Variants in SYBU observed in about 807,000 individuals in gnomAD.
SYBU encodes the protein GOLSYN A protein.
SYBU carries 21 observed loss-of-function variants against 35.9 expected under a neutral mutation model. The observed-to-expected ratio is 0.58, with a 90% CI of 0.41 to 0.84. SYBU has a LOEUF of 0.84. Among genes scored for constraint, SYBU ranks in the 40% least tolerant of loss-of-function variants. The pLI is 0.00. For synonymous variants in SYBU, 319 were observed against 324.3 expected (o/e 0.98, Z 0.18); for missense variants, 768 against 848.2 (o/e 0.91, Z 1.17).
At chr8:109,611,497 G>C (rs766953378) in intron 3 of SYBU, among the ~76,000 whole-genome samples, 15 of 152,288 alleles carry the variant, frequency 9.8e-5, no homozygotes, top group Admixed American at 9.1e-4. Context: ...TTTGGTCCCT[G>C]CTGGGGAGAT....
At chr8:109,616,918 C>A (rs1227565792) in intron 3 of SYBU, among the ~76,000 whole-genome samples, 1 of 151,842 alleles carries the variant, frequency 6.6e-6, no homozygotes, top group African/African-American at 2.4e-5. Context: ...GCAGGCAGAT[C>A]ATTTGAGGTC....
intron 4 of SYBU, 85 bp from the exon 5 acceptor site, chr8:109,580,087 A>G (rs558600977): frequency 4.6e-6 from 6 of 1,290,594 alleles, no homozygotes; most frequent in Non-Finnish European, 6.7e-6. Flanking sequence ...ATCTAAGGAA[A>G]TCCAATTTAT....
chr8:109,612,984 AAAAAAAAAAAAAG>A (rs869065442), intron 3 of SYBU, among the ~76,000 whole-genome samples: 2 of 75,022 alleles, frequency 2.7e-5, no homozygotes, highest in East Asian at 5.5e-4. Flanking sequence ...TGTTAAAAAA[AAAAAAAAAAAAAG>A]AAGAAGAAGA....
intron 1 of SYBU, among the ~76,000 whole-genome samples, chr8:109,664,178 C>T (rs559094636): frequency 1.3e-5 from 2 of 152,148 alleles, no homozygotes; most frequent in East Asian, 1.9e-4. Flanking sequence ...AAAAGAAGTA[C>T]GTACTGATTA....
In SYBU at chr8:109,618,972, G is replaced by T; in HGVS notation, c.297C>A (p.Ser99Arg). ...CACTTCCAGGGCAAAAGCCAATGGG[G>T]CTGTTTCCAGCATCTGAGGGTGTCT... ...PVKTPSDAGN[S>R]PIGFCPGSDE... is the part of the protein sequence containing the mutation. The change falls in exon 3 of 7, where the codon AGC (serine) becomes AGA (arginine). Residue 99 changes from serine (S) to arginine (R), a missense_variant. Coordinates refer to ENST00000276646, the MANE Select transcript of SYBU (RefSeq NM_001099754.2). 6.2e-7 allele frequency: 1 copy of T among 1,614,146 alleles called. No homozygotes were observed. Among genetic ancestry groups the T allele is most frequent in the Non-Finnish European group, 8.5e-7 (1 of 1,179,970 alleles).
chr8:109,587,267 A>G (rs1324553421), intron 3 of SYBU, among the ~76,000 whole-genome samples: 1 of 152,170 alleles, frequency 6.6e-6, no homozygotes, highest in Non-Finnish European at 1.5e-5. Flanking sequence ...TTATCATAAC[A>G]ATGGCTATTT....
chr8:109,663,006 G>T (rs1816619868), intron 1 of SYBU, among the ~76,000 whole-genome samples: 1 of 152,056 alleles, frequency 6.6e-6, no homozygotes. Flanking sequence ...ATGTCACAAA[G>T]TCATGAATGA....
At position 109,575,520 on chromosome 8, in the gene SYBU, G is replaced by A. The variant is rs750091115; in HGVS notation, c.1378C>T (p.His460Tyr). The change falls in exon 7 of 7, where the codon CAT (histidine) becomes TAT (tyrosine). Residue 460 changes from histidine (H) to tyrosine (Y), a missense_variant. By Grantham distance (83) the His-to-Tyr change is moderately conservative. Coordinates refer to ENST00000276646, the MANE Select transcript of SYBU (RefSeq NM_001099754.2). ...TTESGDLELV[H>Y]STPGANVLEL... ...AGGACGTTAGCCCCAGGGGTGGAAT[G>A]CACAAGCTCCAGGTCACCAGATTCT... 4.3e-6 allele frequency: 7 copies of A among 1,614,152 alleles called. No individual in the cohort carries two copies. In the South Asian group the frequency reaches 7.7e-5, roughly 18 times the overall value.
At chr8:109,638,472 T>C (rs756940525) in intron 2 of SYBU, among the ~76,000 whole-genome samples, 2 of 151,944 alleles carry the variant, frequency 1.3e-5, no homozygotes, top group African/African-American at 2.4e-5. Flanking sequence ...ACAAGAAACA[T>C]GGGGGAGAAA....
At chr8:109,606,481 G>A (rs1044820219) in intron 3 of SYBU, among the ~76,000 whole-genome samples, 4 of 152,108 alleles carry the variant, frequency 2.6e-5, no homozygotes, top group African/African-American at 9.7e-5. Context: ...TACTATGCTG[G>A]TTTTTAGAGG....
intron 3 of SYBU, among the ~76,000 whole-genome samples, chr8:109,618,462 G>A (rs574641130): frequency 9.9e-5 from 15 of 152,270 alleles, no homozygotes; most frequent in African/African-American, 3.1e-4. Flanking sequence ...TTTGCATTGA[G>A]ATAACCTGTT....
chr8:109,605,848 A>G (rs1187942092), intron 3 of SYBU, among the ~76,000 whole-genome samples: 5 of 152,186 alleles, frequency 3.3e-5, no homozygotes, highest in Admixed American at 6.5e-5. Context: ...TTTTTTTCAA[A>G]CTACATCATG....
chr8:109,639,645 C>T (rs1814630523), intron 2 of SYBU, among the ~76,000 whole-genome samples: 1 of 152,148 alleles, frequency 6.6e-6, no homozygotes, highest in African/African-American at 2.4e-5. Flanking sequence ...ATTATTTTAG[C>T]TTTGTTCTAG....
chr8:109,670,905 A>AAG (rs138718238), intron 1 of SYBU, among the ~76,000 whole-genome samples: 7 of 152,048 alleles, frequency 4.6e-5, no homozygotes, highest in African/African-American at 1.7e-4. Context: ...GTTAGAATGG[A>AAG]AGAGAGAGAG....
At chr8:109,602,094 T>C (rs1266684859) in intron 3 of SYBU, among the ~76,000 whole-genome samples, 1 of 152,132 alleles carries the variant, frequency 6.6e-6, no homozygotes, top group African/African-American at 2.4e-5. Context: ...TCCAGGTAGC[T>C]CTTAGGTTCC....
At chr8:109,672,068 A>C (rs530513558) in intron 1 of SYBU, among the ~76,000 whole-genome samples, 1 of 151,872 alleles carries the variant, frequency 6.6e-6, no homozygotes, top group Non-Finnish European at 1.5e-5. Context: ...TGCCCAGCTA[A>C]TTTTGTATTT....
At chr8:109,622,222 TATC>T (rs748745606) in intron 2 of SYBU, among the ~76,000 whole-genome samples, 83 of 140,690 alleles carry the variant, frequency 5.9e-4, no homozygotes, top group African/African-American at 2.1e-3. Context: ...TCTATCTATC[TATC>T]ATCTATCTAT....
chr8:109,616,817 A>G (rs1450022678), intron 3 of SYBU, among the ~76,000 whole-genome samples: 1 of 151,808 alleles, frequency 6.6e-6, no homozygotes, highest in Non-Finnish European at 1.5e-5. Context: ...TCTAATGTGC[A>G]CTAGAGCCTG....
chr8:109,678,691 G>A (rs1316198342), intron 1 of SYBU, among the ~76,000 whole-genome samples: 3 of 151,896 alleles, frequency 2.0e-5, no homozygotes, highest in African/African-American at 4.8e-5. Flanking sequence ...CACCCGCCTC[G>A]GCCTCCCAAA....
Sources: gnomAD v4.1 joint callset for allele counts (sites outside exome capture counted in the v4.1 genomes callset) on GRCh38, gnomAD v4.1.1 for gene constraint, MANE v1.5 for transcripts, NCBI Gene and HGNC (gene_info 2026-07-23, HGNC 2026-07-21) for gene names.